Variants in S100A6 observed in about 807,000 individuals in gnomAD.
The protein encoded by S100A6 is S100 calcium binding protein A6.
A neutral mutation model predicts 3.5 loss-of-function variants in S100A6; 3 were observed. The ratio of observed to expected loss-of-function variants is 0.87; its 90% CI spans 0.39 to 2.24. S100A6 has a LOEUF of 2.24. Among genes scored for constraint, S100A6 ranks in the 30% most tolerant of loss-of-function variants. The pLI is 0.05. For missense variants in S100A6, 114 were observed against 105.3 expected (o/e 1.08, Z -0.36); for synonymous variants, 48 against 45.2 (o/e 1.06, Z -0.25).
intron 2 of S100A6, 124 bp downstream of exon 2, chr1:153,535,078 T>C (rs1571229133): frequency 2.9e-6 from 4 of 1,384,868 alleles, no homozygotes; most frequent in Non-Finnish European, 4.0e-6. Context: ...AGGGTCTACA[T>C]GTGGACCAGG....
chr1:153,534,949 C>T (rs534750976), intron 2 of S100A6, 119 bp from the exon 3 acceptor site: 46 of 1,332,052 alleles, frequency 3.5e-5, no homozygotes, highest in African/African-American at 8.8e-5. Context: ...TCACCAAGGA[C>T]CCATGTCACT....
intron 2 of S100A6, 122 bp from the exon 3 acceptor site, chr1:153,534,952 A>G (rs1665139224): frequency 7.6e-7 from 1 of 1,322,612 alleles, no homozygotes; most frequent in African/African-American, 1.5e-5. Context: ...CCAAGGACCC[A>G]TGTCACTTTG....
At chr1:153,535,077 A>T (rs1665142388) in intron 2 of S100A6, 125 bp downstream of exon 2, 1 of 1,374,800 alleles carries the variant, frequency 7.3e-7, no homozygotes, top group South Asian at 1.3e-5. Context: ...CAGGGTCTAC[A>T]TGTGGACCAG....
At position 153,534,654 on chromosome 1, in the gene S100A6, G is replaced by A. The variant is rs2101677788; in HGVS notation, c.*42C>T. 1 of 1,532,978 alleles carries A rather than the reference G, an allele frequency of 6.5e-7. No individual in the cohort carries two copies. The highest frequency in any genetic ancestry group is 2.4e-5 in the East Asian group (1 of 42,006). 95.0% of individuals were successfully genotyped at this position (1,532,978 alleles called of 1,614,324 possible). On this transcript the variant is annotated 3_prime_UTR_variant, in exon 3 of 3. Coordinates refer to ENST00000368719, the MANE Select transcript of S100A6 (RefSeq NM_014624.4). ...ATTACCCACCACTGGATTTGACTCA[G>A]AGAGGACCCCCAGAGGGTGTCTCCA...
At position 153,534,873 on chromosome 1, in the gene S100A6, A is replaced by C. The variant is rs201577973; in HGVS notation, c.139-43T>G. Reference sequence around the variant, plus strand: ...GAAATCCATACTCAGTGGTGATGACAACCCTGGATTCTTCCCCTTCCCCCT... The same window carrying C: ...GAAATCCATACTCAGTGGTGATGACCACCCTGGATTCTTCCCCTTCCCCCT... On this transcript the variant is annotated intron_variant, in intron 2 of 2. Transcript: ENST00000368719. 474 of 1,583,774 alleles carry C rather than the reference A, an allele frequency of 3.0e-4. 1 individual carries two copies. In the African/African-American group the frequency reaches 5.7e-3, roughly 19 times the overall value.
chr1:153,535,161 A>C, intron 2 of S100A6, 41 bp downstream of exon 2: 1 of 1,612,846 alleles, frequency 6.2e-7, no homozygotes, highest in Non-Finnish European at 8.5e-7. Flanking sequence ...CTTCCAAAGG[A>C]CAAGGGTGGG....
intron 2 of S100A6, 117 bp downstream of exon 2, chr1:153,535,085 C>T: frequency 2.1e-6 from 3 of 1,428,958 alleles, no homozygotes; most frequent in Non-Finnish European, 2.9e-6. Context: ...ACATGTGGAC[C>T]AGGGCCTCAG....
rs11555944 is a variant in S100A6 at position 153,535,234 on chromosome 1, C to G, written c.106G>C (p.Glu36Gln). ...KHTLSKKELKELIQKELTIGS... is the reference protein window; with the variant it reads ...KHTLSKKELKQLIQKELTIGS... ...ATGGTGAGCTCCTTCTGGATCAGCT[C>G]CTTCAGCTCCTTCTTGCTCAGGGTG... Residue 36 changes from glutamate to glutamine, a missense_variant, in exon 2 of 3, where the codon GAG becomes CAG. Transcript: ENST00000368719. 135 of 1,614,140 alleles carry G rather than the reference C, an allele frequency of 8.4e-5. No individual in the cohort carries two copies. In the African/African-American group the frequency reaches 1.7e-3, roughly 21 times the overall value.
chr1:153,534,897 C>T, intron 2 of S100A6, 67 bp from the exon 3 acceptor site: 3 of 1,556,478 alleles, frequency 1.9e-6, no homozygotes, highest in African/African-American at 1.4e-5. Context: ...CCCCTTCCCC[C>T]TCCCAGGCAA....
At position 153,534,742 on chromosome 1, in the gene S100A6, A is replaced by C. The variant is rs1390723217; in HGVS notation, c.227T>G (p.Phe76Cys). ...GTAGATCAAAGCCAAGGCCCCCAGG[A>C]AGGTGACATACTCCTGGAAGTTCAC... ...QEVNFQEYVT[F>C]LGALALIYNE... is the part of the protein sequence containing the mutation. Residue 76 changes from phenylalanine to cysteine, a missense_variant, in exon 3 of 3, where the codon TTC (phenylalanine) becomes TGC (cysteine). Physicochemically the swap from Phe to Cys is radical, Grantham distance 205. Transcript: ENST00000368719. 6.2e-7 allele frequency: 1 copy of C among 1,613,798 alleles called. No homozygotes were observed. Among genetic ancestry groups the C allele is most frequent in the Admixed American group, 1.7e-5 (1 of 59,970 alleles).
At chr1:153,534,963 G>C (rs965354107) in intron 2 of S100A6, 133 bp from the exon 3 acceptor site, 19 of 1,247,754 alleles carry the variant, frequency 1.5e-5, no homozygotes, top group Admixed American at 4.6e-5. Context: ...TGTCACTTTG[G>C]CATTGCTTCT....
At chr1:153,535,604 A>T (rs1340766228) in intron 1 of S100A6, among the ~76,000 whole-genome samples, 4 of 152,184 alleles carry the variant, frequency 2.6e-5, no homozygotes, top group African/African-American at 9.7e-5. Context: ...CACAGCTGAG[A>T]ACTGTCCTTC....
chr1:153,535,104 TA>T, intron 2 of S100A6, 97 bp downstream of exon 2: 1 of 1,525,574 alleles, frequency 6.6e-7, no homozygotes, highest in Middle Eastern at 1.8e-4. Context: ...AGAATGTGGG[TA>T]AATGTGAGTC....
rs1665154877 is a variant in S100A6 at position 153,535,361 on chromosome 1, C to T, written c.-21-1G>A. ...CCATGGCTGAGGGCTGGGCTTGGAGCTGGCAGCAGAGGGCCTAGTCAGTGC... is the reference window on the plus strand; with the variant it reads ...CCATGGCTGAGGGCTGGGCTTGGAGTTGGCAGCAGAGGGCCTAGTCAGTGC... On this transcript the variant is annotated splice_acceptor_variant, in intron 1 of 2. Transcript: ENST00000368719. LOFTEE classifies it low-confidence loss of function (5UTR_SPLICE). 1 of 1,613,072 alleles carries T rather than the reference C, an allele frequency of 6.2e-7. No homozygotes were observed.
chr1:153,535,715 T>A, intron 1 of S100A6: 1 of 196,926 alleles, frequency 5.1e-6, no homozygotes, highest in South Asian at 8.9e-5. Context: ...ATGGTGGCAA[T>A]GACACACCCA....
Position 153,535,253 on chromosome 1 carries a change from C to G in S100A6, c.87G>C (p.Leu29=), listed in dbSNP as rs913301234. Residue 29 remains leucine (L), a synonymous_variant, in exon 2 of 3, where the codon CTG becomes CTC. Transcript: ENST00000368719. ...TCAGCTCCTTCAGCTCCTTCTTGCTCAGGGTGTGCTTGTCACCCTCCCTGC... is the reference window on the plus strand; with the variant it reads ...TCAGCTCCTTCAGCTCCTTCTTGCTGAGGGTGTGCTTGTCACCCTCCCTGC... ...YSGREGDKHT[L]SKKELKELIQ... The G allele has an allele frequency of 6.2e-7, 1 of 1,614,024 alleles. No individual in the cohort carries two copies. The highest frequency in any genetic ancestry group is 8.5e-7 in the Non-Finnish European group (1 of 1,180,038).
At chr1:153,535,135 C>G in intron 2 of S100A6, 67 bp downstream of exon 2, 1 of 1,597,412 alleles carries the variant, frequency 6.3e-7, no homozygotes, top group Non-Finnish European at 8.6e-7. Context: ...TGGCACCTCT[C>G]TCTCCCCTAA....
At chr1:153,535,520 GAGAGCACACTAGGGCCAAGGCA>G in intron 1 of S100A6, 160 bp from the exon 2 acceptor site, 2 of 746,486 alleles carry the variant, frequency 2.7e-6, no homozygotes, top group South Asian at 3.8e-5. Context: ...AGGGGAAGGA[GAGAGCACACTAGGGCCAAGGCA>G]AGAGAGGTGG....
At chr1:153,534,964 C>T in intron 2 of S100A6, 134 bp from the exon 3 acceptor site, 1 of 1,239,112 alleles carries the variant, frequency 8.1e-7, no homozygotes. Flanking sequence ...GTCACTTTGG[C>T]ATTGCTTCTC....
Sources: allele counts gnomAD v4.1 joint callset (sites outside exome capture counted in the v4.1 genomes callset), GRCh38; gene constraint gnomAD v4.1.1; transcripts MANE v1.5; gene names NCBI Gene and HGNC (gene_info 2026-07-23, HGNC 2026-07-21).